The following PTGER3 variants were observed in gnomAD, a reference collection of about 807,000 sequenced individuals.
The protein encoded by PTGER3 is prostaglandin E receptor 3.
A neutral mutation model predicts 34.7 loss-of-function variants in PTGER3; 22 were observed. The observed-to-expected ratio is 0.63, with a 90% confidence interval of 0.45 to 0.91. The LOEUF is 0.91. Ranked by LOEUF, PTGER3 falls within the 40% of genes least tolerant of loss-of-function variation. The pLI is 0.00. For missense variants in PTGER3, 468 were observed against 519.4 expected, an observed-to-expected ratio of 0.90 and a Z score of 0.96; for synonymous variants, 241 against 230.1, an observed-to-expected ratio of 1.05 and a Z score of -0.43.
At position 71,007,677 on chromosome 1, in the gene PTGER3, C is replaced by G. The variant is rs925299250; in HGVS notation, c.1077+4628G>C. ...GTATTAGTAAATCACACGCATTTCC[C>G]TCTGCTTAACATTACAACTTTGATT... On this transcript the variant is annotated intron_variant, in intron 2 of 3. Coordinates refer to ENST00000306666, the MANE Select transcript of PTGER3 (RefSeq NM_198719.2). 37 of 985,360 alleles carry G rather than the reference C, an allele frequency of 3.8e-5. No individual in the cohort carries two copies. The African/African-American group carries it at 6.3e-4, about 17-fold the overall frequency. 61.0% of individuals were successfully genotyped at this position (985,360 alleles called of 1,614,324 possible).
rs552624287 is a variant in PTGER3 at position 71,022,806 on chromosome 1, C to G, written c.898-10322G>C. Among the ~76,000 whole-genome samples, 5 of 151,788 alleles carry G rather than the reference C, an allele frequency of 3.3e-5. No individual in the cohort carries two copies. The South Asian group carries it at 1.0e-3, about 32-fold the overall frequency. ...GGGCTTCCCACCTTCTTGCCACCAACTTCAGCATCTGCAGCCATCCATTCT... is the reference window on the plus strand; with the variant it reads ...GGGCTTCCCACCTTCTTGCCACCAAGTTCAGCATCTGCAGCCATCCATTCT... On this transcript the variant is annotated intron_variant, in intron 1 of 3. Transcript: ENST00000306666.
At chr1:70,958,379 C>G (rs372234067) in intron 2 of PTGER3, among the ~76,000 whole-genome samples, 10 of 152,254 alleles carry the variant, frequency 6.6e-5, no homozygotes, top group African/African-American at 2.4e-4. Flanking sequence ...GCTGTTTTAA[C>G]TGCAGTGAGG....
chr1:71,007,504 G>T (rs1657075318), intron 2 of PTGER3: 4 of 985,284 alleles, frequency 4.1e-6, no homozygotes, highest in South Asian at 9.4e-5. Flanking sequence ...GATAAATGCA[G>T]TCGGTCCCTT....
chr1:71,044,561 A>C (rs1452904811), intron 1 of PTGER3, among the ~76,000 whole-genome samples: 1 of 152,110 alleles, frequency 6.6e-6, no homozygotes, highest in Non-Finnish European at 1.5e-5. Context: ...GTATTATCCA[A>C]ATGAAAATAA....
intron 4 of PTGER3, among the ~76,000 whole-genome samples, chr1:70,872,368 G>A (rs756372964): frequency 4.6e-5 from 7 of 152,134 alleles, no homozygotes; most frequent in East Asian, 3.9e-4. Flanking sequence ...TAATAGTTAC[G>A]TATAAGCTTT....
intron 1 of PTGER3, among the ~76,000 whole-genome samples, chr1:71,028,506 G>T (rs1307474940): frequency 6.6e-6 from 1 of 152,052 alleles, no homozygotes; most frequent in Non-Finnish European, 1.5e-5. Context: ...AATGACTGAG[G>T]GCAACATAAA....
At chr1:71,007,201 G>T (rs1308445178) in intron 2 of PTGER3, 5 of 985,650 alleles carry the variant, frequency 5.1e-6, no homozygotes, top group Non-Finnish European at 6.0e-6. Flanking sequence ...AAGTGCCAAT[G>T]ATTTCAGCTC....
rs367619019 is a variant in PTGER3, at chr1:70,939,676, T to G, written c.*23+14087A>C. The stretch of plus-strand genomic sequence containing the variant: ...GCCAAGGCTTAGGGCTTCCACCCTC[T>G]GAAGCCACAGACTGAGCTGTACATT... On this transcript the variant is annotated intron_variant, in intron 4 of 4. Transcript: ENST00000370931. 4.8e-4 allele frequency among the ~76,000 whole-genome samples: 73 copies of G among 152,348 alleles called. No individual in the cohort carries two copies. In the East Asian group the frequency reaches 0.011, roughly 23 times the overall value.
At chr1:70,895,031 T>C (rs954534777) in intron 4 of PTGER3, among the ~76,000 whole-genome samples, 1 of 152,220 alleles carries the variant, frequency 6.6e-6, no homozygotes, top group Non-Finnish European at 1.5e-5. Flanking sequence ...GTTCTAAGGA[T>C]ATCAATCCCT....
At chr1:70,963,271 C>T (rs1038477686) in intron 2 of PTGER3, among the ~76,000 whole-genome samples, 6 of 152,064 alleles carry the variant, frequency 3.9e-5, no homozygotes, top group Non-Finnish European at 8.8e-5. Flanking sequence ...CCAGGCACAC[C>T]GCACAAGCCT....
At chr1:70,984,334 C>G (rs1654695458) in intron 2 of PTGER3, among the ~76,000 whole-genome samples, 1 of 151,364 alleles carries the variant, frequency 6.6e-6, no homozygotes, top group Non-Finnish European at 1.5e-5. Flanking sequence ...TTGCAGTGAG[C>G]CAAGATCATA....
chr1:70,990,998 C>A (rs1194942716), intron 2 of PTGER3, among the ~76,000 whole-genome samples: 1 of 152,180 alleles, frequency 6.6e-6, no homozygotes, highest in African/African-American at 2.4e-5. Flanking sequence ...GCCTTCTGAA[C>A]GTCATTCACT....
chr1:70,933,071 C>T (rs1465849710), intron 4 of PTGER3, among the ~76,000 whole-genome samples: 2 of 152,076 alleles, frequency 1.3e-5, no homozygotes, highest in Non-Finnish European at 2.9e-5. Flanking sequence ...CCTGTCTCTT[C>T]TATAACTAGA....
chr1:71,012,197 C>CAAGTT (rs1227501854), intron 2 of PTGER3, 108 bp downstream of exon 2: 1 of 1,600,894 alleles, frequency 6.2e-7, no homozygotes, highest in African/African-American at 1.3e-5. Flanking sequence ...TGTGCACATG[C>CAAGTT]AAGTTAAGTG....
chr1:71,041,304 G>T (rs1463059358), intron 1 of PTGER3, among the ~76,000 whole-genome samples: 1 of 152,182 alleles, frequency 6.6e-6, no homozygotes, highest in African/African-American at 2.4e-5. Context: ...GTCCACTGTG[G>T]AGTATTGGTT....
At chr1:71,026,920 A>G (rs1165879481) in intron 1 of PTGER3, among the ~76,000 whole-genome samples, 1 of 152,114 alleles carries the variant, frequency 6.6e-6, no homozygotes, top group Non-Finnish European at 1.5e-5. Flanking sequence ...TGTTCCTACC[A>G]TGACTCAAAT....
chr1:70,932,638 C>T (rs1180899037), intron 4 of PTGER3, among the ~76,000 whole-genome samples: 1 of 152,160 alleles, frequency 6.6e-6, no homozygotes, highest in African/African-American at 2.4e-5. Flanking sequence ...GACTTATTCA[C>T]TGCCAGGAGA....
At chr1:71,008,314 A>C in intron 2 of PTGER3, 1 of 868,164 alleles carries the variant, frequency 1.2e-6, no homozygotes, top group Non-Finnish European at 1.4e-6. Context: ...TAAATATAAT[A>C]CATATCTGAT....
intron 1 of PTGER3, among the ~76,000 whole-genome samples, chr1:71,044,377 C>A (rs1241875761): frequency 2.0e-5 from 3 of 147,218 alleles, no homozygotes; most frequent in Non-Finnish European, 4.5e-5. Context: ...GTGGAGGCTG[C>A]AGAGAGCTGA....
Sources: allele counts gnomAD v4.1 joint callset (sites outside exome capture counted in the v4.1 genomes callset), GRCh38; gene constraint gnomAD v4.1.1; transcripts MANE v1.5; gene names NCBI Gene and HGNC (gene_info 2026-07-23, HGNC 2026-07-21).